The following LIPC variants were observed in gnomAD, a reference collection of about 807,000 sequenced individuals.
The protein encoded by LIPC is lipase C, hepatic type, also known as hepatic triacylglycerol lipase.
LIPC carries 44 observed loss-of-function variants against 50.7 expected under a neutral mutation model. That is an observed-to-expected ratio of 0.87 (90% confidence interval 0.68 to 1.11). LIPC has a LOEUF of 1.11. Ranked by LOEUF, LIPC falls within the 50% of genes most tolerant of loss-of-function variation. LIPC has a pLI of 0.00. For missense variants in LIPC, 697 were observed against 648.2 expected, an observed-to-expected ratio of 1.08 and a Z score of -0.82; for synonymous variants, 271 against 256.4, an observed-to-expected ratio of 1.06 and a Z score of -0.54.
At chr15:58,495,344 A>T (rs1203465555) in intron 1 of LIPC, among the ~76,000 whole-genome samples, 51 of 152,202 alleles carry the variant, frequency 3.4e-4, no homozygotes, top group Non-Finnish European at 1.3e-4. Context: ...TCCCTGCCAA[A>T]AACAAAGCCT....
intron 1 of LIPC, among the ~76,000 whole-genome samples, chr15:58,447,431 G>A (rs1350020350): frequency 6.6e-6 from 1 of 152,158 alleles, no homozygotes; most frequent in East Asian, 1.9e-4. Flanking sequence ...ATGAGAAGTT[G>A]GCTGTGTTCC....
At chr15:58,550,518 A>T (rs1893711564) in intron 6 of LIPC, among the ~76,000 whole-genome samples, 1 of 152,176 alleles carries the variant, frequency 6.6e-6, no homozygotes, top group Admixed American at 6.5e-5. Flanking sequence ...AAGACCAAAG[A>T]ATTGCATTAG....
At chr15:58,538,542 T>A in intron 2 of LIPC, 25 bp downstream of exon 2, 1 of 1,607,408 alleles carries the variant, frequency 6.2e-7, no homozygotes, top group Non-Finnish European at 8.5e-7. Flanking sequence ...CATGCCGTTT[T>A]TCTCTCCGAT....
chr15:58,538,273 C>T (rs745792736), intron 1 of LIPC, 60 bp from the exon 2 acceptor site: 90 of 1,524,510 alleles, frequency 5.9e-5, no homozygotes, highest in South Asian at 9.0e-5. Flanking sequence ...TTTGAGAAGA[C>T]GGAGGGCTTC....
intron 1 of LIPC, among the ~76,000 whole-genome samples, chr15:58,487,874 G>A (rs1255137129): frequency 6.6e-6 from 1 of 152,176 alleles, no homozygotes; most frequent in Non-Finnish European, 1.5e-5. Context: ...GAGCATGGTG[G>A]GAATGTGGCA....
chr15:58,449,958 C>G (rs914298661), intron 1 of LIPC, among the ~76,000 whole-genome samples: 1 of 152,180 alleles, frequency 6.6e-6, no homozygotes, highest in Non-Finnish European at 1.5e-5. Flanking sequence ...TTCTAATGTC[C>G]TCCGAGGCTC....
intron 1 of LIPC, 71 bp downstream of exon 1, chr15:58,432,191 A>C (rs1893146653): frequency 8.5e-7 from 1 of 1,171,408 alleles, no homozygotes; most frequent in Non-Finnish European, 1.3e-6. Context: ...CAAAGAATCC[A>C]GGGGTTTCTG....
In LIPC at chr15:58,560,883, G is replaced by T; in HGVS notation, c.1071G>T (p.Lys357Asn). 1 of 1,270,022 alleles carries T rather than the reference G, an allele frequency of 7.9e-7. No individual in the cohort carries two copies. The highest frequency in any genetic ancestry group is 1.2e-6 in the Non-Finnish European group (1 of 864,668). The allele number at this position is 1,270,022 out of a possible 1,614,324, so 78.7% of individuals were successfully genotyped here. The change falls in exon 7 of 9, where the codon AAG (lysine) becomes AAT (asparagine). Residue 357 changes from lysine (K) to asparagine (N), a missense_variant. Lys to Asn is a moderately conservative substitution (Grantham distance 94, BLOSUM62 0). Transcript: ENST00000299022. ...CTCTAGTTTATCATTACCAGTTCAA[G>T]ATCCAGTTCATCAACCAAACTGAGA... is the stretch of plus-strand genomic sequence containing the variant. ...SPFKVYHYQF[K>N]IQFINQTETP...
At chr15:58,494,650 T>C (rs1237586915) in intron 1 of LIPC, 1 of 410,742 alleles carries the variant, frequency 2.4e-6, no homozygotes, top group Non-Finnish European at 4.9e-6. Context: ...CCTGTATCAA[T>C]CAGTGCCAAT....
intron 1 of LIPC, among the ~76,000 whole-genome samples, chr15:58,450,037 C>T (rs948031782): frequency 2.6e-5 from 4 of 152,252 alleles, no homozygotes; most frequent in South Asian, 2.1e-4. Flanking sequence ...ATGGAGAGAC[C>T]CTTAGCACCT....
intron 1 of LIPC, among the ~76,000 whole-genome samples, chr15:58,489,376 G>A (rs181358197): frequency 1.2e-3 from 180 of 152,176 alleles, no homozygotes; most frequent in African/African-American, 3.9e-3. Context: ...AGCCAGCTAC[G>A]CAGAAGACAG....
At chr15:58,541,628 C>T in intron 2 of LIPC, 157 bp from the exon 3 acceptor site, 1 of 762,394 alleles carries the variant, frequency 1.3e-6, no homozygotes, top group Non-Finnish European at 2.2e-6. Flanking sequence ...AGACAGCCCC[C>T]ACAACAAGGA....
chr15:58,538,575 C>T, intron 2 of LIPC, 58 bp downstream of exon 2: 1 of 1,527,210 alleles, frequency 6.5e-7, no homozygotes, highest in Non-Finnish European at 9.1e-7. Flanking sequence ...TTTTTTCTTT[C>T]TAGCGTGTTC....
At chr15:58,539,904 C>A (rs1298465418) in intron 2 of LIPC, among the ~76,000 whole-genome samples, 2 of 152,164 alleles carry the variant, frequency 1.3e-5, no homozygotes, top group South Asian at 4.1e-4. Flanking sequence ...TCCTGCAAGC[C>A]ATTGCTGCCT....
intron 1 of LIPC, among the ~76,000 whole-genome samples, chr15:58,469,780 C>G (rs542576387): frequency 6.6e-6 from 1 of 152,296 alleles, no homozygotes; most frequent in African/African-American, 2.4e-5. Context: ...CAGTTACTAA[C>G]AAAGCTCGTT....
intron 8 of LIPC, chr15:58,566,548 C>A (rs17301871): frequency 1.5e-6 from 1 of 675,470 alleles, no homozygotes; most frequent in Non-Finnish European, 1.8e-6. Context: ...ACTCTACACT[C>A]GTAATATCGC....
At position 58,545,980 on chromosome 15, in the gene LIPC, G is replaced by A; in HGVS notation, c.808+5G>A. The stretch of plus-strand genomic sequence containing the variant: ...TTGCCCAGCACGGCTTCAATGGTGA[G>A]AATGAAGTCATGGGCCGGGAGCACC... On this transcript the variant is annotated splice_donor_5th_base_variant and intron_variant, in intron 5 of 8. Transcript: ENST00000299022. The A allele has an allele frequency of 6.2e-7, 1 of 1,606,308 alleles. No individual in the cohort carries two copies. The highest frequency in any genetic ancestry group is 1.1e-5 in the South Asian group (1 of 90,922).
At chr15:58,488,754 G>C (rs189072734) in intron 1 of LIPC, among the ~76,000 whole-genome samples, 349 of 152,238 alleles carry the variant, frequency 2.3e-3, no homozygotes, top group African/African-American at 7.8e-3. Flanking sequence ...GTACAGATGA[G>C]CACCTTTCTT....
chr15:58,540,287 A>C (rs145504257), intron 2 of LIPC, among the ~76,000 whole-genome samples: 24 of 152,352 alleles, frequency 1.6e-4, no homozygotes, highest in African/African-American at 5.5e-4. Flanking sequence ...TATTACTGCT[A>C]ATATTAATAA....
Sources: gnomAD v4.1 joint callset for allele counts (sites outside exome capture counted in the v4.1 genomes callset) on GRCh38, gnomAD v4.1.1 for gene constraint, MANE v1.5 for transcripts, NCBI Gene and HGNC (gene_info 2026-07-23, HGNC 2026-07-21) for gene names.